Variants in CPEB3 observed in about 807,000 individuals in gnomAD.
CPEB3 encodes the protein cytoplasmic polyadenylation element binding protein 3.
CPEB3 carries 20 observed loss-of-function variants against 67.2 expected under a neutral mutation model. That is an observed-to-expected ratio of 0.30 (90% confidence interval 0.21 to 0.43). The LOEUF is 0.43. Among genes scored for constraint, CPEB3 ranks in the 20% least tolerant of loss-of-function variants. CPEB3 has a pLI of 1.00. For missense variants in CPEB3, 746 were observed against 968.6 expected, an observed-to-expected ratio of 0.77 and a Z score of 3.05; for synonymous variants, 376 against 393.1, an observed-to-expected ratio of 0.96 and a Z score of 0.51.
At chr10:92,100,614 CAG>C (rs1173514427) in intron 7 of CPEB3, among the ~76,000 whole-genome samples, 5 of 150,704 alleles carry the variant, frequency 3.3e-5, no homozygotes, top group African/African-American at 1.2e-4. Flanking sequence ...TGTTTTGAGA[CAG>C]AGTCTCGCTC....
intron 2 of CPEB3, among the ~76,000 whole-genome samples, chr10:92,214,513 C>T (rs1270127370): frequency 3.3e-5 from 5 of 151,928 alleles, no homozygotes; most frequent in African/African-American, 1.2e-4. Flanking sequence ...GATGAAGTCT[C>T]ACTCTGTCCC....
chr10:92,137,443 G>C lies in CPEB3; in HGVS notation c.1453+5586C>G, dbSNP rs554314107. 5.0e-6 allele frequency: 6 copies of C among 1,191,486 alleles called. No individual in the cohort carries two copies. In the South Asian group the frequency reaches 5.9e-5, roughly 12 times the overall value. The allele number at this position is 1,191,486 out of a possible 1,614,324, so 73.8% of individuals were successfully genotyped here. A position where few individuals can be genotyped will look rare whatever the true frequency, so the allele number is the denominator to read the frequency against. On this transcript the variant is annotated intron_variant, in intron 6 of 9. Transcript: ENST00000265997. Reference sequence around the variant, plus strand: ...CCATGGATTCAAGGACTCAATCTATGACATATTCCAAAAGCTCAACAGCAA... The same window carrying C: ...CCATGGATTCAAGGACTCAATCTATCACATATTCCAAAAGCTCAACAGCAA...
chr10:92,076,734 G>A (rs1290832998), intron 9 of CPEB3, among the ~76,000 whole-genome samples: 1 of 151,038 alleles, frequency 6.6e-6, no homozygotes, highest in Non-Finnish European at 1.5e-5. Context: ...TGTTGATATG[G>A]GAAAGTAAAT....
At chr10:92,187,052 T>C (rs1337307863) in intron 3 of CPEB3, among the ~76,000 whole-genome samples, 1 of 152,170 alleles carries the variant, frequency 6.6e-6, no homozygotes, top group Non-Finnish European at 1.5e-5. Flanking sequence ...TAAAATGTAA[T>C]GAAGGCATAT....
intron 6 of CPEB3, among the ~76,000 whole-genome samples, chr10:92,122,006 A>G (rs1344123533): frequency 6.6e-6 from 1 of 152,158 alleles, no homozygotes; most frequent in Non-Finnish European, 1.5e-5. Context: ...TTTGGATTCA[A>G]TTCAAGGGTA....
At chr10:92,164,690 C>G in intron 4 of CPEB3, among the ~76,000 whole-genome samples, 1 of 152,112 alleles carries the variant, frequency 6.6e-6, no homozygotes, top group East Asian at 1.9e-4. Context: ...ATTCACCAGT[C>G]GGTAAACATT....
At chr10:92,289,707 C>A in intron 1 of CPEB3, among the ~76,000 whole-genome samples, 1 of 46,524 alleles carries the variant, frequency 2.1e-5, no homozygotes, top group Admixed American at 3.1e-4. Flanking sequence ...ATGGCGAGAC[C>A]GCGTCTCTAC....
chr10:92,230,806 C>A (rs1470998638), intron 2 of CPEB3, among the ~76,000 whole-genome samples: 1 of 152,190 alleles, frequency 6.6e-6, no homozygotes, highest in Non-Finnish European at 1.5e-5. Flanking sequence ...GCAAGTACAG[C>A]AACCTTCCCA....
chr10:92,271,995 T>C (rs1229677222), intron 1 of CPEB3, among the ~76,000 whole-genome samples: 1 of 152,200 alleles, frequency 6.6e-6, no homozygotes, highest in East Asian at 1.9e-4. Flanking sequence ...TATAAATAAT[T>C]CATATTTATT....
At chr10:92,219,885 T>C (rs573840236) in intron 2 of CPEB3, among the ~76,000 whole-genome samples, 2 of 152,206 alleles carry the variant, frequency 1.3e-5, no homozygotes, top group Non-Finnish European at 2.9e-5. Flanking sequence ...AGGCCGGGCA[T>C]GGTGGCTCAC....
At chr10:92,083,999 C>G (rs1404040665) in intron 8 of CPEB3, among the ~76,000 whole-genome samples, 3 of 151,904 alleles carry the variant, frequency 2.0e-5, no homozygotes, top group Admixed American at 1.3e-4. Flanking sequence ...CTGGCTAACA[C>G]GGTGAAACCC....
chr10:92,183,208 TA>T (rs1276434669), intron 3 of CPEB3, among the ~76,000 whole-genome samples: 1 of 152,210 alleles, frequency 6.6e-6, no homozygotes, highest in Non-Finnish European at 1.5e-5. Context: ...ATAGATTTCA[TA>T]AACGTTTTCA....
At chr10:92,227,108 T>C (rs1419867567) in intron 2 of CPEB3, among the ~76,000 whole-genome samples, 2 of 152,194 alleles carry the variant, frequency 1.3e-5, no homozygotes, top group African/African-American at 2.4e-5. Context: ...TCTAGAGTGC[T>C]GTGTGTTTGT....
At chr10:92,232,241 G>A (rs1851304629) in intron 2 of CPEB3, among the ~76,000 whole-genome samples, 1 of 150,038 alleles carries the variant, frequency 6.7e-6, no homozygotes, top group Non-Finnish European at 1.5e-5. Flanking sequence ...TTTTAGTAGA[G>A]ACAGGGTTTC....
Position 92,239,538 on chromosome 10 carries a change from C to T in CPEB3, c.813G>A (p.Ala271=). The T allele has an allele frequency of 6.4e-7, 1 of 1,559,328 alleles. No individual in the cohort carries two copies. The highest frequency in any genetic ancestry group is 8.7e-7 in the Non-Finnish European group (1 of 1,150,732). ...CACCCACACCCACGCCCACACCGAC[C>T]GCCCGGCGAGGGTCCCGGCCCGCCT... ...GLQAGRDPRR[A]VGVGVGVGVG... is the part of the protein sequence containing the mutation. The change falls in exon 2 of 10, where the codon GCG becomes GCA. Residue 271 remains alanine, a synonymous_variant. Coordinates refer to ENST00000265997, the MANE Select transcript of CPEB3 (RefSeq NM_014912.5). This position sits in a 1 kb window ranked among gnomAD's most constrained non-coding sequence, Gnocchi z 6.0.
At chr10:92,179,239 G>A (rs1224684843) in intron 4 of CPEB3, among the ~76,000 whole-genome samples, 1 of 152,128 alleles carries the variant, frequency 6.6e-6, no homozygotes, top group Non-Finnish European at 1.5e-5. Flanking sequence ...AATGGAAAGA[G>A]CATAAATGAA....
At chr10:92,157,611 G>A (rs1378228208) in intron 4 of CPEB3, among the ~76,000 whole-genome samples, 3 of 151,964 alleles carry the variant, frequency 2.0e-5, no homozygotes, top group Non-Finnish European at 4.4e-5. Context: ...ATTTACTTCC[G>A]GGGTAAATCT....
chr10:92,166,257 C>T (rs533213529), intron 4 of CPEB3, among the ~76,000 whole-genome samples: 4 of 152,004 alleles, frequency 2.6e-5, no homozygotes, highest in African/African-American at 4.8e-5. Flanking sequence ...TACAGGCGTG[C>T]ACCACCATGC....
At chr10:92,116,252 T>TAA (rs1208917572) in intron 6 of CPEB3, among the ~76,000 whole-genome samples, 16 of 145,884 alleles carry the variant, frequency 1.1e-4, no homozygotes, top group Admixed American at 2.7e-4. Flanking sequence ...CACCTTCCAG[T>TAA]AAAAAAAAAA....
Sources: allele counts gnomAD v4.1 joint callset (sites outside exome capture counted in the v4.1 genomes callset), GRCh38; gene constraint gnomAD v4.1.1; non-coding constraint Gnocchi (gnomAD v3.1); transcripts MANE v1.5; gene names NCBI Gene and HGNC (gene_info 2026-07-23, HGNC 2026-07-21).